Variants in NINJ2 observed in about 807,000 individuals in gnomAD.
NINJ2 encodes the protein ninjurin-2.
Under a neutral mutation model 11.7 loss-of-function variants are expected in NINJ2, and 12 were observed. The ratio of observed to expected loss-of-function variants is 1.02; its 90% CI spans 0.66 to 1.66. The LOEUF (loss-of-function observed/expected upper bound fraction) is 1.66, where lower values mean the gene tolerates loss of function less well. Ranked by LOEUF, NINJ2 falls within the 40% of genes most tolerant of loss-of-function variation. The probability of loss-of-function intolerance (pLI) is 0.00; values close to 1 mark genes in which losing one functional copy is unlikely to be tolerated. For missense variants in NINJ2, 187 were observed against 181.8 expected, an observed-to-expected ratio of 1.03 and a Z score of -0.16; for synonymous variants, 93 against 76.8, an observed-to-expected ratio of 1.21 and a Z score of -1.10.
At position 565,384 on chromosome 12, in the gene NINJ2, C is replaced by T. The variant is rs1044152440; in HGVS notation, c.280G>A (p.Glu94Lys). 3.7e-6 allele frequency: 6 copies of T among 1,614,030 alleles called. No homozygotes were observed. The African/African-American group carries it at 8.0e-5, about 22-fold the overall frequency. Residue 94 changes from glutamate (E) to lysine (K), a missense_variant, in exon 3 of 4, where the codon GAG (glutamate) becomes AAG (lysine). By Grantham distance (56) the Glu-to-Lys change is moderately conservative (BLOSUM62 1). Coordinates refer to ENST00000305108, the MANE Select transcript of NINJ2 (RefSeq NM_016533.6). ...TTGAGTCGCCACTGCTTTTCTACCT[C>T]ATTCAGGTTCAGCCGTGCTGCAGGG... ...LVVIARLNLN[E>K]VEKQWRLNQL...
intron 1 of NINJ2, among the ~76,000 whole-genome samples, chr12:588,212 C>CAGAAGGGACGGAAG (rs1947670187): frequency 2.0e-5 from 3 of 149,420 alleles, no homozygotes; most frequent in African/African-American, 7.4e-5. Flanking sequence ...ACGGAAGGGA[C>CAGAAGGGACGGAAG]GGAGGGGACG....
chr12:636,187 A>C (rs1948350334), intron 1 of NINJ2, among the ~76,000 whole-genome samples: 1 of 151,398 alleles, frequency 6.6e-6, no homozygotes, highest in Non-Finnish European at 1.5e-5. Flanking sequence ...GGCCAGCCTG[A>C]CCAACATGGA....
intron 1 of NINJ2, among the ~76,000 whole-genome samples, 164 bp from the exon 2 acceptor site, chr12:566,342 G>A (rs532318903): frequency 2.8e-4 from 42 of 152,154 alleles, no homozygotes; most frequent in Non-Finnish European, 4.7e-4. Flanking sequence ...AGGGTTGGAC[G>A]AGAAAACCCA....
At chr12:568,968 G>C (rs1947340695) in intron 1 of NINJ2, among the ~76,000 whole-genome samples, 1 of 146,518 alleles carries the variant, frequency 6.8e-6, no homozygotes, top group South Asian at 2.2e-4. Flanking sequence ...CCAAAATCAG[G>C]CTGGGGCCCA....
chr12:599,085 T>C (rs928583748), intron 1 of NINJ2, among the ~76,000 whole-genome samples: 3 of 151,862 alleles, frequency 2.0e-5, no homozygotes, highest in Non-Finnish European at 4.4e-5. Flanking sequence ...AAGCACAAAT[T>C]TGGAAAGTAT....
intron 1 of NINJ2, among the ~76,000 whole-genome samples, chr12:652,797 A>T (rs2120530701): frequency 6.6e-6 from 1 of 151,276 alleles, no homozygotes; most frequent in South Asian, 2.1e-4. Context: ...AAAATACAAA[A>T]ATTAGCTGGG....
intron 1 of NINJ2, among the ~76,000 whole-genome samples, chr12:600,187 C>G (rs1300573135): frequency 2.0e-5 from 3 of 152,014 alleles, no homozygotes; most frequent in Non-Finnish European, 1.5e-5. Flanking sequence ...GGGAGACATG[C>G]AATGAAGGTG....
chr12:588,445 C>T (rs926728810), intron 1 of NINJ2, among the ~76,000 whole-genome samples: 2 of 152,128 alleles, frequency 1.3e-5, no homozygotes, highest in Admixed American at 1.3e-4. Context: ...ACACTTATAG[C>T]GCTCATTTCA....
At position 660,289 on chromosome 12, in the gene NINJ2, T is replaced by TAA. The variant is rs776762900; in HGVS notation, c.33+3037_33+3038dup. Among the ~76,000 whole-genome samples the TAA allele has an allele frequency of 3.0e-3, 328 of 107,680 alleles. 13 individuals carry two copies. In the East Asian group the frequency reaches 0.074, roughly 24 times the overall value. 70.6% of individuals were successfully genotyped at this position (107,680 alleles called of 152,430 possible). On this transcript the variant is annotated intron_variant, in intron 1 of 3. Coordinates refer to ENST00000305108, the MANE Select transcript of NINJ2 (RefSeq NM_016533.6). ...TGTGACACAGCAAGATCCTGTCTGTTAAAAAAAAAAAAAAAAAAAAAAGGA... is the reference window on the plus strand; with the variant it reads ...TGTGACACAGCAAGATCCTGTCTGTTAAAAAAAAAAAAAAAAAAAAAAAAGGA...
At chr12:661,763 G>T (rs11064128) in intron 1 of NINJ2, among the ~76,000 whole-genome samples, 33,288 of 152,182 alleles carry the variant, frequency 0.22, 3,718 homozygotes, top group South Asian at 0.27. Flanking sequence ...ACATACTAGG[G>T]ACAGAAGACA....
chr12:600,005 T>C (rs920758532), intron 1 of NINJ2, among the ~76,000 whole-genome samples: 13 of 152,204 alleles, frequency 8.5e-5, no homozygotes, highest in African/African-American at 2.9e-4. Context: ...CCTGCCTGGT[T>C]TCTGAGTCTG....
At chr12:637,281 G>A (rs1442701779) in intron 1 of NINJ2, among the ~76,000 whole-genome samples, 5 of 151,572 alleles carry the variant, frequency 3.3e-5, no homozygotes, top group African/African-American at 1.2e-4. Flanking sequence ...TCTGGGAGGT[G>A]GGGGTTGCAG....
intron 1 of NINJ2, among the ~76,000 whole-genome samples, chr12:661,118 G>A (rs758439416): frequency 2.0e-4 from 30 of 152,158 alleles, no homozygotes; most frequent in Non-Finnish European, 1.3e-4. Flanking sequence ...TGGCTCTGCC[G>A]CCCAGGCTGG....
At chr12:573,183 A>G (rs559205366) in intron 1 of NINJ2, among the ~76,000 whole-genome samples, 8 of 150,918 alleles carry the variant, frequency 5.3e-5, no homozygotes, top group East Asian at 2.0e-4. Flanking sequence ...CCGCCACCAC[A>G]CCCAGCTAAT....
At chr12:661,983 C>CA (rs1378889945) in intron 1 of NINJ2, among the ~76,000 whole-genome samples, 3 of 152,140 alleles carry the variant, frequency 2.0e-5, no homozygotes, top group Admixed American at 6.6e-5. Flanking sequence ...GAGTGACAGG[C>CA]AATACATACT....
chr12:651,404 T>G (rs908272556), intron 1 of NINJ2, among the ~76,000 whole-genome samples: 1 of 152,184 alleles, frequency 6.6e-6, no homozygotes, highest in Non-Finnish European at 1.5e-5. Flanking sequence ...CTAGACGCAT[T>G]TGTGATGTTC....
chr12:576,328 G>A (rs561913703), intron 1 of NINJ2, among the ~76,000 whole-genome samples: 1 of 152,316 alleles, frequency 6.6e-6, no homozygotes, highest in African/African-American at 2.4e-5. Context: ...ACCCGCCCGC[G>A]CGGGCACACC....
chr12:635,732 T>G (rs1156792227), intron 1 of NINJ2, among the ~76,000 whole-genome samples: 2 of 152,170 alleles, frequency 1.3e-5, no homozygotes, highest in Non-Finnish European at 2.9e-5. Flanking sequence ...AACAGATAAA[T>G]TAGATTTCAT....
At chr12:571,253 A>G (rs1947371721) in intron 1 of NINJ2, among the ~76,000 whole-genome samples, 1 of 152,250 alleles carries the variant, frequency 6.6e-6, no homozygotes, top group Non-Finnish European at 1.5e-5. Flanking sequence ...GAGCGCGGCC[A>G]GTGCAGGGAA....
Sources: gnomAD v4.1 joint callset for allele counts (sites outside exome capture counted in the v4.1 genomes callset) on GRCh38, gnomAD v4.1.1 for gene constraint, MANE v1.5 for transcripts, NCBI Gene and HGNC (gene_info 2026-07-23, HGNC 2026-07-21) for gene names.